ELMOD3: variants seen among roughly 807,000 people sequenced by gnomAD.
The protein encoded by ELMOD3 is ELMO domain containing 3.
ELMOD3 carries 36 observed loss-of-function variants against 47.4 expected under a neutral mutation model. The ratio of observed to expected loss-of-function variants is 0.76; its 90% confidence interval spans 0.58 to 1.00. The LOEUF (loss-of-function observed/expected upper bound fraction) is 1.00. Among genes scored for constraint, ELMOD3 ranks in the 50% least tolerant of loss-of-function variants. The probability of loss-of-function intolerance (pLI) is 0.00; values close to 1 mark genes in which losing one functional copy is unlikely to be tolerated. For synonymous variants in ELMOD3, 149 were observed against 183.5 expected (o/e 0.81, Z 1.52); for missense variants, 404 against 463.8 (o/e 0.87, Z 1.18).
chr2:85,363,996 G>C (rs1400301565), intron 6 of ELMOD3, among the ~76,000 whole-genome samples: 2 of 152,080 alleles, frequency 1.3e-5, no homozygotes, highest in Admixed American at 6.5e-5. Context: ...AGGTGTAGTG[G>C]TGTGTGCCTG....
intron 11 of ELMOD3, among the ~76,000 whole-genome samples, chr2:85,382,294 C>T (rs1685609167): frequency 6.6e-6 from 1 of 150,668 alleles, no homozygotes; most frequent in South Asian, 2.1e-4. Flanking sequence ...AAAAAATTAG[C>T]TGGGTGTGAT....
Position 85,391,313 on chromosome 2 carries a change from A to G in ELMOD3, c.*351A>G. 5.1e-6 allele frequency: 1 copy of G among 197,892 alleles called. No individual in the cohort carries two copies. Among genetic ancestry groups the G allele is most frequent in the Non-Finnish European group, 1.0e-5 (1 of 97,142 alleles). The allele number at this position is 197,892 out of a possible 1,614,324, so 12.3% of individuals were successfully genotyped here. A position where few individuals can be genotyped will look rare whatever the true frequency, so the allele number is the denominator to read the frequency against. ...GTTCTGCAGATCCCCACATGGGAGG[A>G]GATTCCCAAGTAGAGGCAGCCAGAA... On this transcript the variant is annotated 3_prime_UTR_variant, in exon 14 of 14. Transcript: ENST00000409013.
At chr2:85,384,729 C>T (rs1313279863) in intron 11 of ELMOD3, among the ~76,000 whole-genome samples, 1 of 152,080 alleles carries the variant, frequency 6.6e-6, no homozygotes, top group Non-Finnish European at 1.5e-5. Context: ...ACAGGTGTGC[C>T]GTACCATGCC....
intron 8 of ELMOD3, among the ~76,000 whole-genome samples, chr2:85,370,775 G>A (rs149044762): frequency 1.3e-5 from 2 of 152,348 alleles, no homozygotes; most frequent in Admixed American, 6.5e-5. Flanking sequence ...CTGGGCAGGT[G>A]TAACCCCTGT....
intron 6 of ELMOD3, among the ~76,000 whole-genome samples, chr2:85,364,818 TATA>T (rs1684244198): frequency 3.3e-5 from 3 of 91,748 alleles, no homozygotes; most frequent in Non-Finnish European, 6.3e-5. Context: ...TATATATATA[TATA>T]TATATTTTTT....
intron 8 of ELMOD3, 116 bp downstream of exon 8, chr2:85,369,946 C>CA: frequency 7.6e-7 from 1 of 1,313,968 alleles, no homozygotes; most frequent in Non-Finnish European, 1.0e-6. Context: ...GATCTTGGTG[C>CA]CCAGGATCAT....
At chr2:85,390,550 G>C in intron 13 of ELMOD3, 1 of 1,568,394 alleles carries the variant, frequency 6.4e-7, no homozygotes, top group Non-Finnish European at 8.6e-7. Context: ...AGTTGCAATT[G>C]TGCAGACAAG....
chr2:85,365,908 A>G (rs569863328), intron 6 of ELMOD3, among the ~76,000 whole-genome samples: 96 of 151,950 alleles, frequency 6.3e-4, no homozygotes, highest in Non-Finnish European at 1.1e-3. Context: ...AGGGTGAAGG[A>G]TCCTGTTCAG....
chr2:85,378,789 A>G (rs1183226533), intron 11 of ELMOD3, among the ~76,000 whole-genome samples: 1 of 152,186 alleles, frequency 6.6e-6, no homozygotes, highest in Non-Finnish European at 1.5e-5. Context: ...TTTTGGAGAA[A>G]GCATTTTAGA....
chr2:85,379,028 G>A (rs1239953784), intron 11 of ELMOD3, among the ~76,000 whole-genome samples: 2 of 152,208 alleles, frequency 1.3e-5, no homozygotes, highest in Admixed American at 1.3e-4. Context: ...CTATACATCA[G>A]TAGGCAGGTA....
In ELMOD3 at chr2:85,369,842, G is replaced by A. The variant is rs1240613971; in HGVS notation, c.360+12G>A. ...TTTCCCCCTTCAAGGTATGAGGGTA[G>A]CAGGGTTTGGAGTCTCAAGCAAAGT... On this transcript the variant is annotated intron_variant, in intron 8 of 13. Coordinates refer to ENST00000409013, the MANE Select transcript of ELMOD3 (RefSeq NM_001135022.2). 1.2e-6 allele frequency: 2 copies of A among 1,613,678 alleles called. No homozygotes were observed. The highest frequency in any genetic ancestry group is 1.7e-6 in the Non-Finnish European group (2 of 1,179,778).
chr2:85,369,894 A>G, intron 8 of ELMOD3, 64 bp downstream of exon 8: 2 of 1,591,510 alleles, frequency 1.3e-6, no homozygotes, highest in Non-Finnish European at 8.6e-7. Context: ...CCAAGCCTCT[A>G]TCCCACCAGG....
intron 6 of ELMOD3, chr2:85,368,372 G>A: frequency 2.9e-6 from 1 of 346,538 alleles, no homozygotes; most frequent in Non-Finnish European, 5.5e-6. Context: ...GGGCTGTAGT[G>A]TGCCATGCTG....
rs1573088426 is a variant in ELMOD3 at position 85,362,268 on chromosome 2, T to C, written c.129+8T>C. 6.5e-7 allele frequency: 1 copy of C among 1,537,236 alleles called. No homozygotes were observed. Among genetic ancestry groups the C allele is most frequent in the Non-Finnish European group, 9.0e-7 (1 of 1,109,852 alleles). On this transcript the variant is annotated splice_region_variant and intron_variant, in intron 5 of 13. Coordinates refer to ENST00000409013, the MANE Select transcript of ELMOD3 (RefSeq NM_001135022.2). ...GCTTTCAGAGGAATCCCTGTATGTA[T>C]CACCCACAACTTGGTACCTTCTGCC...
At chr2:85,369,672 G>A (rs559344384) in intron 7 of ELMOD3, 67 bp from the exon 8 acceptor site, 3 of 1,538,428 alleles carry the variant, frequency 2.0e-6, no homozygotes, top group Admixed American at 1.8e-5. Flanking sequence ...AAGTAGGAGG[G>A]CCTCAGTAAA....
chr2:85,387,470 T>G (rs1686010002), intron 11 of ELMOD3, among the ~76,000 whole-genome samples: 1 of 152,014 alleles, frequency 6.6e-6, no homozygotes, highest in Non-Finnish European at 1.5e-5. Flanking sequence ...AAAACCAGCT[T>G]GGCCAACATG....
chr2:85,367,420 G>A (rs1264129946), intron 6 of ELMOD3, among the ~76,000 whole-genome samples: 1 of 152,244 alleles, frequency 6.6e-6, no homozygotes, highest in Non-Finnish European at 1.5e-5. Flanking sequence ...AAGGCACCAA[G>A]GGTGGGAGAG....
chr2:85,362,372 C>A, intron 5 of ELMOD3, 112 bp downstream of exon 5: 1 of 736,082 alleles, frequency 1.4e-6, no homozygotes, highest in Non-Finnish European at 2.5e-6. Flanking sequence ...TAGACCTTAG[C>A]TTCCAAGAGC....
chr2:85,363,392 A>G (rs1456245730), intron 6 of ELMOD3, among the ~76,000 whole-genome samples: 1 of 152,212 alleles, frequency 6.6e-6, no homozygotes, highest in African/African-American at 2.4e-5. Context: ...GGCAAGCCAT[A>G]TGATCTCTAA....
Sources: allele counts gnomAD v4.1 joint callset (sites outside exome capture counted in the v4.1 genomes callset), GRCh38; gene constraint gnomAD v4.1.1; transcripts MANE v1.5; gene names NCBI Gene and HGNC (gene_info 2026-07-23, HGNC 2026-07-21).